Variants in MGAT5 observed in about 807,000 individuals in gnomAD.
MGAT5 encodes alpha-1,6-mannosylglycoprotein 6-beta-N-acetylglucosaminyltransferase A.
In MGAT5, 30 loss-of-function variants were observed where a neutral mutation model predicts 94.3. The observed-to-expected ratio is 0.32, with a 90% CI of 0.24 to 0.43. The LOEUF (loss-of-function observed/expected upper bound fraction) is 0.43. MGAT5 is among the 20% of genes least tolerant of loss of function. MGAT5 has a pLI of 1.00. For synonymous variants in MGAT5, 310 were observed against 322.9 expected, an observed-to-expected ratio of 0.96 and a Z score of 0.43; for missense variants, 691 against 905.5, an observed-to-expected ratio of 0.76 and a Z score of 3.04.
rs1171925978 is a variant in MGAT5 at position 134,270,551 on chromosome 2, G to A, written c.406+1G>A. 2 of 1,613,926 alleles carry A rather than the reference G, an allele frequency of 1.2e-6. No homozygotes were observed. Among genetic ancestry groups the A allele is most frequent in the East Asian group, 2.2e-5 (1 of 44,886 alleles). The stretch of plus-strand genomic sequence containing the variant: ...GCACTTGAGAAAATTAATGTGGCAG[G>A]TAAAAATAGCAATTCTCTGCCCTGA... On this transcript the variant is annotated splice_donor_variant, in intron 2 of 15. Coordinates refer to ENST00000281923, the MANE Select transcript of MGAT5 (RefSeq NM_002410.5). LOFTEE classifies it high-confidence loss of function.
intron 9 of MGAT5, among the ~76,000 whole-genome samples, chr2:134,350,961 C>G (rs186718850): frequency 2.0e-5 from 3 of 152,198 alleles, no homozygotes; most frequent in African/African-American, 4.8e-5. Context: ...GTTGCCCCTC[C>G]CCCTTGTACA....
At chr2:134,237,857 TCTC>T (rs1470022762) in intron 1 of MGAT5, among the ~76,000 whole-genome samples, 14 of 151,628 alleles carry the variant, frequency 9.2e-5, no homozygotes, top group African/African-American at 2.9e-4. Context: ...TTCAAGCAAT[TCTC>T]CTGCCTCAGC....
chr2:134,337,873 G>A (rs1020944084), intron 5 of MGAT5, among the ~76,000 whole-genome samples: 3 of 152,104 alleles, frequency 2.0e-5, no homozygotes, highest in African/African-American at 7.2e-5. Context: ...GCTAAGAATT[G>A]ACTTCAGTTT....
chr2:134,250,694 A>G (rs537197106), upstream of MGAT5, among the ~76,000 whole-genome samples: 1 of 152,356 alleles, frequency 6.6e-6, no homozygotes, highest in Admixed American at 6.5e-5. Context: ...CCACTGGAGA[A>G]GAGAAGTTTC....
chr2:134,291,958 G>A (rs1480457960), intron 2 of MGAT5, among the ~76,000 whole-genome samples: 2 of 152,162 alleles, frequency 1.3e-5, no homozygotes, highest in African/African-American at 2.4e-5. Context: ...TGTTTCTCTA[G>A]AAGGTGTCCG....
chr2:134,430,902 C>T (rs967115210), intron 14 of MGAT5, among the ~76,000 whole-genome samples: 4 of 152,214 alleles, frequency 2.6e-5, no homozygotes, highest in Admixed American at 2.6e-4. Flanking sequence ...GTAAGTGCCA[C>T]TGCTGTAGGT....
intron 1 of MGAT5, among the ~76,000 whole-genome samples, chr2:134,170,040 T>G (rs1281490643): frequency 6.6e-6 from 1 of 152,126 alleles, no homozygotes; most frequent in Non-Finnish European, 1.5e-5. Flanking sequence ...ATAAGGAAAA[T>G]TGCCATATGA....
chr2:134,429,502 C>T (rs1428403937), intron 14 of MGAT5, among the ~76,000 whole-genome samples: 2 of 152,184 alleles, frequency 1.3e-5, no homozygotes, highest in Non-Finnish European at 2.9e-5. Flanking sequence ...CCTCTCTATG[C>T]CTTAGTTTCC....
chr2:134,151,301 C>T (rs1687160686), intron 1 of MGAT5, among the ~76,000 whole-genome samples: 1 of 148,148 alleles, frequency 6.8e-6, no homozygotes, highest in South Asian at 2.2e-4. Context: ...GACCCACTCA[C>T]TGCCATGGGA....
At chr2:134,317,286 T>A (rs1306394084) in intron 2 of MGAT5, among the ~76,000 whole-genome samples, 1 of 152,144 alleles carries the variant, frequency 6.6e-6, no homozygotes, top group Non-Finnish European at 1.5e-5. Flanking sequence ...CTCACTTTTT[T>A]AAGCCGGGCC....
At chr2:134,241,367 T>C (rs1681964047) in intron 1 of MGAT5, among the ~76,000 whole-genome samples, 1 of 152,210 alleles carries the variant, frequency 6.6e-6, no homozygotes, top group South Asian at 2.1e-4. Context: ...TATAAACTCT[T>C]TGATTTGTTT....
chr2:134,430,995 G>A (rs1434992611), intron 14 of MGAT5, among the ~76,000 whole-genome samples: 1 of 152,206 alleles, frequency 6.6e-6, no homozygotes, highest in Non-Finnish European at 1.5e-5. Flanking sequence ...AGAAATGGTA[G>A]AGTGTATCTG....
intron 1 of MGAT5, among the ~76,000 whole-genome samples, chr2:134,180,579 C>T (rs941790783): frequency 3.3e-5 from 5 of 152,162 alleles, no homozygotes; most frequent in Non-Finnish European, 5.9e-5. Context: ...GATTAGAAAG[C>T]GGCAGAATGT....
chr2:134,328,231 AC>A (rs1025966326), intron 4 of MGAT5, among the ~76,000 whole-genome samples: 2 of 151,568 alleles, frequency 1.3e-5, no homozygotes, highest in Admixed American at 1.3e-4. Context: ...ACCCCCCCTC[AC>A]CCCTGATATG....
chr2:134,137,530 C>T (rs527404023), intron 1 of MGAT5, among the ~76,000 whole-genome samples: 1 of 152,344 alleles, frequency 6.6e-6, no homozygotes, highest in Admixed American at 6.5e-5. Context: ...GCTGTGCTGC[C>T]ATGGGCATCT....
intron 2 of MGAT5, among the ~76,000 whole-genome samples, chr2:134,272,977 G>A (rs956754459): frequency 6.6e-6 from 1 of 152,164 alleles, no homozygotes; most frequent in East Asian, 1.9e-4. Context: ...GCTAATGTTT[G>A]TAAAAGCTGG....
At chr2:134,308,318 T>TC (rs1174597997) in intron 2 of MGAT5, among the ~76,000 whole-genome samples, 1 of 152,132 alleles carries the variant, frequency 6.6e-6, no homozygotes, top group Non-Finnish European at 1.5e-5. Context: ...ACCCAAAAAT[T>TC]CAGGGTTGAA....
At chr2:134,313,059 C>G (rs1686780710) in intron 2 of MGAT5, among the ~76,000 whole-genome samples, 1 of 141,300 alleles carries the variant, frequency 7.1e-6, no homozygotes, top group Non-Finnish European at 1.5e-5. Flanking sequence ...CACACACACA[C>G]ACACACACAC....
At chr2:134,140,860 G>T (rs1253095893) in intron 1 of MGAT5, among the ~76,000 whole-genome samples, 1 of 152,218 alleles carries the variant, frequency 6.6e-6, no homozygotes, top group East Asian at 1.9e-4. Context: ...CCCAGGTTTC[G>T]TAGCTAACAA....
Sources: allele counts gnomAD v4.1 joint callset (sites outside exome capture counted in the v4.1 genomes callset), GRCh38; gene constraint gnomAD v4.1.1; transcripts MANE v1.5; gene names NCBI Gene and HGNC (gene_info 2026-07-23, HGNC 2026-07-21).